Variants in MGAT5 observed in about 807,000 individuals in gnomAD.
MGAT5 encodes the protein alpha-1,6-mannosylglycoprotein 6-beta-N-acetylglucosaminyltransferase A.
MGAT5 carries 30 observed loss-of-function variants against 94.3 expected under a neutral mutation model. The ratio of observed to expected loss-of-function variants is 0.32; its 90% CI spans 0.24 to 0.43. The LOEUF (loss-of-function observed/expected upper bound fraction) is 0.43, where lower values mean the gene tolerates loss of function less well. Among genes scored for constraint, MGAT5 ranks in the 20% least tolerant of loss-of-function variants. The pLI is 1.00. For synonymous variants in MGAT5, 310 were observed against 322.9 expected (o/e 0.96, Z 0.43); for missense variants, 691 against 905.5 (o/e 0.76, Z 3.04).
In MGAT5 at chr2:134,432,982, A is replaced by AT. The variant is rs201628316; in HGVS notation, c.1869+4553dup. 3.8e-3 allele frequency among the ~76,000 whole-genome samples: 572 copies of AT among 149,738 alleles called. 2 individuals carry two copies. Among genetic ancestry groups the AT allele is most frequent in the African/African-American group, 0.011 (466 of 40,870 alleles). ...TCACTGCATATAAGGACACAATTCAATTTTTTTTTTAGCAAATTGGTAGTG... is the reference window on the plus strand; with the variant it reads ...TCACTGCATATAAGGACACAATTCAATTTTTTTTTTTAGCAAATTGGTAGTG... On this transcript the variant is annotated intron_variant, in intron 14 of 15. Transcript: ENST00000281923.
intron 1 of MGAT5, among the ~76,000 whole-genome samples, chr2:134,245,865 G>A (rs1162235321): frequency 1.3e-5 from 2 of 152,126 alleles, no homozygotes; most frequent in Non-Finnish European, 2.9e-5. Flanking sequence ...TGGTATAACT[G>A]CAAGACAAAT....
At chr2:134,362,131 C>T (rs1680134366) in intron 9 of MGAT5, 144 bp from the exon 10 acceptor site, 2 of 929,160 alleles carry the variant, frequency 2.2e-6, no homozygotes, top group South Asian at 1.6e-5. Flanking sequence ...ATGACAATCC[C>T]TCACCTCCCT....
chr2:134,167,313 G>A (rs1485354603), intron 1 of MGAT5, among the ~76,000 whole-genome samples: 1 of 152,206 alleles, frequency 6.6e-6, no homozygotes, highest in Non-Finnish European at 1.5e-5. Flanking sequence ...AGGTTTCTAA[G>A]GGACAGAAAA....
At chr2:134,189,634 G>A (rs543006715) in intron 1 of MGAT5, among the ~76,000 whole-genome samples, 5 of 30,928 alleles carry the variant, frequency 1.6e-4, no homozygotes, top group East Asian at 9.4e-4. Flanking sequence ...ACAGAGTCTC[G>A]CTCTGTTGCC....
upstream of MGAT5, chr2:134,253,243 T>C (rs1184208309): frequency 6.6e-6 from 1 of 152,196 alleles, no homozygotes; most frequent in Non-Finnish European, 1.5e-5. Flanking sequence ...AAGTACAGCC[T>C]GGGTTAGTCT....
At chr2:134,383,779 C>G (rs948929142) in intron 10 of MGAT5, among the ~76,000 whole-genome samples, 1 of 151,820 alleles carries the variant, frequency 6.6e-6, no homozygotes, top group Non-Finnish European at 1.5e-5. Context: ...TCTTGGCTCA[C>G]TGCAAGCTCC....
chr2:134,263,562 C>T (rs1683471105), intron 1 of MGAT5, among the ~76,000 whole-genome samples: 1 of 152,172 alleles, frequency 6.6e-6, no homozygotes, highest in African/African-American at 2.4e-5. Context: ...GGGACAACTG[C>T]AGGGTGGAAG....
intron 1 of MGAT5, among the ~76,000 whole-genome samples, chr2:134,140,812 A>G (rs1368976951): frequency 6.6e-6 from 1 of 152,222 alleles, no homozygotes; most frequent in Non-Finnish European, 1.5e-5. Flanking sequence ...GATTAGAGAG[A>G]GGAGGAAACT....
At chr2:134,312,198 C>G (rs1686717168) in intron 2 of MGAT5, among the ~76,000 whole-genome samples, 1 of 152,170 alleles carries the variant, frequency 6.6e-6, no homozygotes, top group South Asian at 2.1e-4. Context: ...TGTGCCACTG[C>G]ACTCCAACCT....
chr2:134,189,602 G>GTTTTCTTTTTTTTTTTTTTTTTTTT (rs1553490380), intron 1 of MGAT5, among the ~76,000 whole-genome samples: 1 of 84,672 alleles, frequency 1.2e-5, no homozygotes, highest in Non-Finnish European at 2.3e-5. Flanking sequence ...GTTTTTTTTT[G>GTTTTCTTTTTTTTTTTTTTTTTTTT]TTTTTTTTTT....
chr2:134,418,935 A>G (rs1574060439), intron 12 of MGAT5, among the ~76,000 whole-genome samples: 1 of 152,346 alleles, frequency 6.6e-6, no homozygotes, highest in African/African-American at 2.4e-5. Context: ...CTGCTCTGCC[A>G]GCTCACAAAA....
chr2:134,137,782 TTTA>T (rs1164307007), intron 1 of MGAT5, among the ~76,000 whole-genome samples: 1 of 152,196 alleles, frequency 6.6e-6, no homozygotes, highest in South Asian at 2.1e-4. Context: ...ATTGGTCAGT[TTTA>T]TTATTGAGGC....
rs993981458 is a variant in MGAT5, at chr2:134,414,014, T to A, written c.1677+999T>A. On this transcript the variant is annotated intron_variant, in intron 12 of 15. Coordinates refer to ENST00000281923, the MANE Select transcript of MGAT5 (RefSeq NM_002410.5). ...TTATAGAACTGATTACTTTGAGAGT[T>A]ATTTTTCTCTGACCCTTCCTGTCAT... Among the ~76,000 whole-genome samples, 143 of 152,210 alleles carry A rather than the reference T, an allele frequency of 9.4e-4. 2 individuals carry two copies. Among genetic ancestry groups the A allele is most frequent in the Non-Finnish European group, 8.8e-5 (6 of 68,034 alleles).
chr2:134,183,312 G>T (rs1156807388), intron 1 of MGAT5, among the ~76,000 whole-genome samples: 1 of 152,130 alleles, frequency 6.6e-6, no homozygotes, highest in Non-Finnish European at 1.5e-5. Context: ...TACGTCACTC[G>T]TTGGGCTTTA....
At chr2:134,433,007 G>A (rs1396274717) in intron 14 of MGAT5, among the ~76,000 whole-genome samples, 1 of 152,076 alleles carries the variant, frequency 6.6e-6, no homozygotes, top group Non-Finnish European at 1.5e-5. Flanking sequence ...AATTGGTAGT[G>A]TTACACAACT....
chr2:134,365,507 G>A (rs1462846465), intron 10 of MGAT5, among the ~76,000 whole-genome samples: 1 of 152,210 alleles, frequency 6.6e-6, no homozygotes. Flanking sequence ...GCAGGAGGGC[G>A]AGGCGGAAGC....
At chr2:134,404,688 C>T (rs1574028815) in intron 11 of MGAT5, among the ~76,000 whole-genome samples, 1 of 152,202 alleles carries the variant, frequency 6.6e-6, no homozygotes, top group South Asian at 2.1e-4. Context: ...ACGTCCAAGG[C>T]ATTTGTATGA....
In MGAT5 at chr2:134,434,600, T is replaced by C. The variant is rs180843062; in HGVS notation, c.1869+6161T>C. 5.3e-5 allele frequency among the ~76,000 whole-genome samples: 8 copies of C among 152,332 alleles called. No homozygotes were observed. In the East Asian group the frequency reaches 1.4e-3, roughly 26 times the overall value. ...AAGATGCAAAACACATTCAGTTTAGTTGAGCAGCTCCTGCAGTCTGTTCCC... is the reference window on the plus strand; with the variant it reads ...AAGATGCAAAACACATTCAGTTTAGCTGAGCAGCTCCTGCAGTCTGTTCCC... On this transcript the variant is annotated intron_variant, in intron 14 of 15. Transcript: ENST00000281923.
At chr2:134,368,534 T>C (rs1000421143) in intron 10 of MGAT5, among the ~76,000 whole-genome samples, 3 of 152,222 alleles carry the variant, frequency 2.0e-5, no homozygotes, top group African/African-American at 7.2e-5. Flanking sequence ...CTTTCCTATA[T>C]GCCTGAGAAA....
Sources: allele counts gnomAD v4.1 joint callset (sites outside exome capture counted in the v4.1 genomes callset), GRCh38; gene constraint gnomAD v4.1.1; transcripts MANE v1.5; gene names NCBI Gene and HGNC (gene_info 2026-07-23, HGNC 2026-07-21).